Variants in PDS5A observed in about 807,000 individuals in gnomAD.
The protein encoded by PDS5A is sister chromatid cohesion protein PDS5 homolog A.
In PDS5A, 42 loss-of-function variants were observed where a neutral mutation model predicts 167.1. That is an observed-to-expected ratio of 0.25 (90% confidence interval 0.20 to 0.33). The LOEUF (loss-of-function observed/expected upper bound fraction) is 0.33, where lower values mean the gene tolerates loss of function less well. Among genes scored for constraint, PDS5A ranks in the 10% least tolerant of loss-of-function variants. The pLI, the probability that PDS5A is intolerant of heterozygous loss-of-function variation, is 1.00. For missense variants in PDS5A, 1,033 were observed against 1,605.9 expected, an observed-to-expected ratio of 0.64 and a Z score of 6.10; for synonymous variants, 553 against 554.6, an observed-to-expected ratio of 1.00 and a Z score of 0.04.
At chr4:39,869,352 CT>C in intron 22 of PDS5A, 41 bp downstream of exon 22, 3 of 1,164,592 alleles carry the variant, frequency 2.6e-6, no homozygotes, top group Non-Finnish European at 3.9e-6. Context: ...CAAAATGTCC[CT>C]TTTTTAAACA....
intron 13 of PDS5A, among the ~76,000 whole-genome samples, chr4:39,901,266 CTTTT>C (rs772230554): frequency 2.2e-4 from 27 of 121,276 alleles, no homozygotes; most frequent in South Asian, 2.8e-4. Context: ...TCTTTTCTTT[CTTTT>C]TTTTTTTTTT....
intron 2 of PDS5A, among the ~76,000 whole-genome samples, chr4:39,967,918 AAAAC>A (rs550810030): frequency 1.6e-3 from 239 of 152,196 alleles, no homozygotes; most frequent in Middle Eastern, 6.8e-3. Context: ...CTCCATCTTA[AAAAC>A]AAACAAACAA....
chr4:39,970,940 A>T (rs975585611), intron 2 of PDS5A, among the ~76,000 whole-genome samples: 3 of 149,696 alleles, frequency 2.0e-5, no homozygotes, highest in African/African-American at 7.4e-5. Flanking sequence ...CTACGACCAT[A>T]TTTGCATTTT....
chr4:39,866,146 G>A (rs770309775), intron 23 of PDS5A, among the ~76,000 whole-genome samples: 2 of 152,050 alleles, frequency 1.3e-5, no homozygotes, highest in Non-Finnish European at 2.9e-5. Context: ...ACAGGCTCTC[G>A]CTCTGTTGCC....
chr4:39,857,645 G>T (rs1718647362), intron 26 of PDS5A, among the ~76,000 whole-genome samples: 1 of 151,980 alleles, frequency 6.6e-6, no homozygotes, highest in African/African-American at 2.4e-5. Context: ...ACTCAAAAAG[G>T]TAAGAAGAGA....
chr4:39,963,417 C>T (rs1460188320), intron 2 of PDS5A, among the ~76,000 whole-genome samples: 2 of 152,054 alleles, frequency 1.3e-5, no homozygotes, highest in African/African-American at 4.8e-5. Context: ...CGAGATTGCA[C>T]CACTGCACTT....
chr4:39,972,674 CTTTTTT>C (rs35374040), intron 2 of PDS5A, among the ~76,000 whole-genome samples: 4 of 144,452 alleles, frequency 2.8e-5, no homozygotes, highest in Non-Finnish European at 4.6e-5. Flanking sequence ...CACAACTTTC[CTTTTTT>C]TTTTTTTCAC....
At chr4:39,901,423 A>G (rs1722881245) in intron 13 of PDS5A, among the ~76,000 whole-genome samples, 1 of 151,982 alleles carries the variant, frequency 6.6e-6, no homozygotes, top group South Asian at 2.1e-4. Context: ...GTGCACCACC[A>G]TGCCCAACTA....
rs1719079805 is a variant in PDS5A, at chr4:39,862,483, T to C, written c.2972-150A>G. On this transcript the variant is annotated intron_variant, in intron 25 of 32. Transcript: ENST00000303538. ...ACTAAAATACTTTACACTTCACTTTTCAATTTCTTTTTCTGGTACCTGGTA... is the reference window on the plus strand; with the variant it reads ...ACTAAAATACTTTACACTTCACTTTCCAATTTCTTTTTCTGGTACCTGGTA... 1.6e-5 allele frequency: 8 copies of C among 506,504 alleles called. No individual in the cohort carries two copies. In the South Asian group the frequency reaches 3.1e-4, roughly 20 times the overall value. 31.4% of individuals were successfully genotyped at this position (506,504 alleles called of 1,614,324 possible).
At chr4:39,952,617 G>C (rs568679061) in intron 2 of PDS5A, among the ~76,000 whole-genome samples, 3 of 151,840 alleles carry the variant, frequency 2.0e-5, no homozygotes, top group Non-Finnish European at 4.4e-5. Flanking sequence ...CCAGCTGAAA[G>C]ATAACGCGCT....
chr4:39,916,098 A>T (rs1198127357), intron 8 of PDS5A, among the ~76,000 whole-genome samples: 1 of 151,968 alleles, frequency 6.6e-6, no homozygotes, highest in Non-Finnish European at 1.5e-5. Flanking sequence ...ATTGCCAGGC[A>T]TGGTGAGGTA....
At chr4:39,930,246 A>AAAAAAAAAAAAT in intron 2 of PDS5A, among the ~76,000 whole-genome samples, 6 of 93,164 alleles carry the variant, frequency 6.4e-5, no homozygotes, top group Non-Finnish European at 9.0e-5. Context: ...AAAAAAAAAA[A>AAAAAAAAAAAAT]GTTTTTTTGT....
At chr4:39,932,673 A>C (rs1339123090) in intron 2 of PDS5A, 1 of 152,296 alleles carries the variant, frequency 6.6e-6, no homozygotes, top group African/African-American at 2.4e-5. Flanking sequence ...TCTACTAAAA[A>C]TACAAAAATT....
At chr4:39,875,407 A>G (rs1311908268) in intron 19 of PDS5A, among the ~76,000 whole-genome samples, 2 of 152,154 alleles carry the variant, frequency 1.3e-5, no homozygotes, top group Non-Finnish European at 2.9e-5. Flanking sequence ...TAATCAGAAT[A>G]AAATTGATAA....
chr4:39,943,307 G>C lies in PDS5A; in HGVS notation c.139-15143C>G, dbSNP rs542809933. Among the ~76,000 whole-genome samples, 28 of 152,056 alleles carry C rather than the reference G, an allele frequency of 1.8e-4. No homozygotes were observed. The South Asian group carries it at 5.6e-3, about 30-fold the overall frequency. ...TTCTTTGGGAAAAATTCAATGACCT[G>C]TTTTTCTAATACACCAGCATAGACT... On this transcript the variant is annotated intron_variant, in intron 2 of 32. Transcript: ENST00000303538.
intron 14 of PDS5A, 98 bp downstream of exon 14, chr4:39,900,328 C>A: frequency 2.8e-6 from 2 of 706,372 alleles, no homozygotes; most frequent in Non-Finnish European, 2.4e-6. Context: ...GAAAATAAAA[C>A]AACTGAGATA....
intron 2 of PDS5A, among the ~76,000 whole-genome samples, chr4:39,959,616 G>A (rs1251442597): frequency 2.6e-5 from 4 of 152,112 alleles, no homozygotes; most frequent in Non-Finnish European, 5.9e-5. Flanking sequence ...GGGATCACAG[G>A]CGTGAGCCAC....
intron 2 of PDS5A, among the ~76,000 whole-genome samples, chr4:39,940,355 G>C (rs1459214787): frequency 6.6e-6 from 1 of 152,178 alleles, no homozygotes; most frequent in Non-Finnish European, 1.5e-5. Context: ...GCTTATGATT[G>C]AGGGGAACAC....
intron 6 of PDS5A, 146 bp downstream of exon 6, chr4:39,922,476 G>A (rs745373724): frequency 2.7e-5 from 16 of 594,802 alleles, no homozygotes; most frequent in Non-Finnish European, 3.6e-5. Context: ...ATAGCCACAA[G>A]ACTAATGCAT....
Sources: allele counts gnomAD v4.1 joint callset (sites outside exome capture counted in the v4.1 genomes callset), GRCh38; gene constraint gnomAD v4.1.1; transcripts MANE v1.5; gene names NCBI Gene and HGNC (gene_info 2026-07-23, HGNC 2026-07-21).